Variants in RUBCN observed in about 807,000 individuals in gnomAD.
RUBCN encodes rubicon autophagy regulator, also known as run domain Beclin-1-interacting and cysteine-rich domain-containing protein.
In RUBCN, 74 loss-of-function variants were observed where a neutral mutation model predicts 113.2. The observed-to-expected ratio is 0.65, with a 90% CI of 0.54 to 0.79. The LOEUF (loss-of-function observed/expected upper bound fraction) is 0.79, where lower values mean the gene tolerates loss of function less well. RUBCN is among the 30% of genes least tolerant of loss of function. The probability of loss-of-function intolerance (pLI) is 0.00; values close to 1 mark genes in which losing one functional copy is unlikely to be tolerated. For synonymous variants in RUBCN, 480 were observed against 490.0 expected, an observed-to-expected ratio of 0.98 and a Z score of 0.27; for missense variants, 1,109 against 1,251.7, an observed-to-expected ratio of 0.89 and a Z score of 1.72.
chr3:197,701,101 G>A lies in RUBCN; in HGVS notation c.773C>T (p.Pro258Leu), dbSNP rs1326685284. ...TGAGACGTGCCCTCTGCTTTCTTGA[G>A]GTTTCCGGGGAGGGCCAGAGAGTGG... ...SFPLSGPPRK[P>L]QESRGHVSPA... The change falls in exon 7 of 20, where the codon CCT becomes CTT. Residue 258 changes from proline to leucine, a missense_variant. By Grantham distance (98) the Pro-to-Leu change is moderately conservative. Around this residue, in one of 3 missense-constraint regions of RUBCN, gnomAD observed 736 missense variants for 779.6 expected, o/e 0.94. Coordinates refer to ENST00000296343, the MANE Select transcript of RUBCN (RefSeq NM_014687.4). The A allele has an allele frequency of 3.1e-6, 5 of 1,587,794 alleles. No individual in the cohort carries two copies. Among genetic ancestry groups the A allele is most frequent in the Non-Finnish European group, 4.3e-6 (5 of 1,164,722 alleles).
intron 1 of RUBCN, among the ~76,000 whole-genome samples, chr3:197,743,940 C>T (rs774929943): frequency 7.9e-5 from 12 of 151,990 alleles, no homozygotes; most frequent in East Asian, 1.9e-4. Flanking sequence ...GTCAAGATTG[C>T]GCCACTGGAC....
intron 7 of RUBCN, among the ~76,000 whole-genome samples, chr3:197,699,691 A>G (rs1160649842): frequency 6.6e-6 from 1 of 152,192 alleles, no homozygotes; most frequent in African/African-American, 2.4e-5. Context: ...GAAAACAAAG[A>G]CAAAAGTTTG....
chr3:197,693,318 A>T (rs1722641874), intron 11 of RUBCN, among the ~76,000 whole-genome samples: 1 of 152,072 alleles, frequency 6.6e-6, no homozygotes, highest in African/African-American at 2.4e-5. Flanking sequence ...GCCCCCAATG[A>T]TTCTTTTTGT....
At chr3:197,749,022 TA>T (rs1728883431) in intron 1 of RUBCN, among the ~76,000 whole-genome samples, 1 of 152,234 alleles carries the variant, frequency 6.6e-6, no homozygotes, top group South Asian at 2.1e-4. Flanking sequence ...GAGATAGTTT[TA>T]AGCTGTATGA....
At chr3:197,707,295 G>A (rs1724420566) in intron 2 of RUBCN, among the ~76,000 whole-genome samples, 1 of 151,920 alleles carries the variant, frequency 6.6e-6, no homozygotes, top group Admixed American at 6.6e-5. Flanking sequence ...TGGCGCCACT[G>A]CACTCCAGCC....
chr3:197,696,649 AG>A (rs1206708006), intron 8 of RUBCN, among the ~76,000 whole-genome samples: 2 of 144,490 alleles, frequency 1.4e-5, no homozygotes, highest in Non-Finnish European at 1.5e-5. Context: ...AGATACTCCA[AG>A]GCCTCTTTTC....
chr3:197,709,186 A>G (rs1724663976), intron 2 of RUBCN, among the ~76,000 whole-genome samples: 1 of 152,210 alleles, frequency 6.6e-6, no homozygotes, highest in Non-Finnish European at 1.5e-5. Flanking sequence ...CACTTCGTCA[A>G]TCAGTTAATG....
At chr3:197,705,059 C>T (rs778188098) in intron 3 of RUBCN, 33 bp downstream of exon 3, 22 of 1,553,822 alleles carry the variant, frequency 1.4e-5, no homozygotes, top group Non-Finnish European at 2.0e-5. Flanking sequence ...ACCCACAGCT[C>T]TGCCAGCACA....
chr3:197,719,093 T>C (rs530654126), intron 1 of RUBCN, among the ~76,000 whole-genome samples: 53 of 152,200 alleles, frequency 3.5e-4, no homozygotes, highest in Admixed American at 1.0e-3. Flanking sequence ...TCCGGTCTCA[T>C]AGGCCTGAGA....
chr3:197,734,410 GA>G (rs113117461), intron 1 of RUBCN, among the ~76,000 whole-genome samples: 8,624 of 129,662 alleles, frequency 0.067, 783 homozygotes, highest in African/African-American at 0.21. Context: ...TCTAAAAAAA[GA>G]AAAAAAAAAA....
In RUBCN at chr3:197,736,896, C is replaced by A; in HGVS notation, c.-177G>T. On this transcript the variant is annotated 5_prime_UTR_variant, in exon 1 of 20. Coordinates refer to ENST00000296343, the MANE Select transcript of RUBCN (RefSeq NM_014687.4). ...CCGCCGCCTGGGCTGCGGCTTCTAT[C>A]CCGGCCACCCCCACTTCCGGCTCCG... 1 of 1,364,484 alleles carries A rather than the reference C, an allele frequency of 7.3e-7. No homozygotes were observed. Among genetic ancestry groups the A allele is most frequent in the Non-Finnish European group, 9.4e-7 (1 of 1,065,852 alleles). 84.5% of individuals were successfully genotyped at this position (1,364,484 alleles called of 1,614,324 possible).
upstream of RUBCN, among the ~76,000 whole-genome samples, chr3:197,740,862 C>T (rs913841909): frequency 4.6e-5 from 7 of 152,108 alleles, no homozygotes; most frequent in African/African-American, 1.7e-4. Context: ...CTCAAGTGAC[C>T]TGCCCACCTC....
In RUBCN at chr3:197,684,704, A is replaced by G. The variant is rs146128788; in HGVS notation, c.1787-487T>C. ...CATATATACACATATATATACATAT[A>G]TACGCACACACATATATGTGTGTGT... On this transcript the variant is annotated intron_variant, in intron 11 of 19. Coordinates refer to ENST00000296343, the MANE Select transcript of RUBCN (RefSeq NM_014687.4). 6.0e-3 allele frequency among the ~76,000 whole-genome samples: 911 copies of G among 151,282 alleles called. 10 individuals are homozygous for G. Among genetic ancestry groups the G allele is most frequent in the African/African-American group, 0.021 (865 of 41,012 alleles).
At chr3:197,715,181 C>T (rs1429965450) in intron 2 of RUBCN, among the ~76,000 whole-genome samples, 3 of 150,246 alleles carry the variant, frequency 2.0e-5, no homozygotes, top group African/African-American at 4.9e-5. Flanking sequence ...CCCAGCTACT[C>T]GGGAGGCTGA....
In RUBCN at chr3:197,697,016, G is replaced by A; in HGVS notation, c.1295C>T (p.Pro432Leu). The A allele has an allele frequency of 1.9e-6, 3 of 1,608,690 alleles. No homozygotes were observed. The highest frequency in any genetic ancestry group is 2.6e-6 in the Non-Finnish European group (3 of 1,175,074). Residue 432 changes from proline to leucine, a missense_variant, in exon 8 of 20, where the codon CCT (proline) becomes CTT (leucine). Transcript: ENST00000296343. ...SCNDKAKLRG[P>L]LPYSGQSSEV... is the part of the protein sequence containing the mutation. The stretch of plus-strand genomic sequence containing the variant: ...ACTGCTTTGACCAGAGTAGGGCAAA[G>A]GGCCTCTCAACTTCGCCTTATCATT...
At chr3:197,729,624 C>A (rs1000347039) in intron 1 of RUBCN, among the ~76,000 whole-genome samples, 2 of 152,018 alleles carry the variant, frequency 1.3e-5, no homozygotes, top group Admixed American at 6.6e-5. Flanking sequence ...AGTGGCATCA[C>A]CTGGGCTCAC....
chr3:197,703,367 C>T lies in RUBCN; in HGVS notation c.570+181G>A, dbSNP rs543978585. Among the ~76,000 whole-genome samples, 6 of 122,970 alleles carry T rather than the reference C, an allele frequency of 4.9e-5. No individual in the cohort carries two copies. The Admixed American group carries it at 6.6e-4, about 13-fold the overall frequency. The allele number at this position is 122,970 out of a possible 152,430, so 80.7% of individuals were successfully genotyped here. A position where few individuals can be genotyped will look rare whatever the true frequency, so the allele number is the denominator to read the frequency against. On this transcript the variant is annotated intron_variant, in intron 5 of 19. Transcript: ENST00000296343. ...GAGCTGAGATTGCACCACTGCACTC[C>T]AGCCTGGGAAACAGAGCGAGACTCT...
At chr3:197,715,418 G>T (rs960783843) in intron 2 of RUBCN, among the ~76,000 whole-genome samples, 1 of 151,910 alleles carries the variant, frequency 6.6e-6, no homozygotes, top group African/African-American at 2.4e-5. Context: ...AAACTCAAAG[G>T]GTATTCTAAA....
chr3:197,699,474 T>C (rs1723395147), intron 7 of RUBCN, among the ~76,000 whole-genome samples: 1 of 152,104 alleles, frequency 6.6e-6, no homozygotes, highest in African/African-American at 2.4e-5. Flanking sequence ...CTGGAATCCA[T>C]ATGGATTCAA....
Sources: allele counts gnomAD v4.1 joint callset (sites outside exome capture counted in the v4.1 genomes callset), GRCh38; gene constraint gnomAD v4.1.1; regional missense constraint gnomAD v4.1.1; transcripts MANE v1.5; gene names NCBI Gene and HGNC (gene_info 2026-07-23, HGNC 2026-07-21).